The following ME3 variants were observed in gnomAD, a reference collection of about 807,000 sequenced individuals.
ME3 encodes the protein NADP-dependent malic enzyme, mitochondrial.
A neutral mutation model predicts 68.9 loss-of-function variants in ME3; 48 were observed. That is an observed-to-expected ratio of 0.70 (90% CI 0.55 to 0.89). ME3 has a LOEUF of 0.89. Ranked by LOEUF, ME3 falls within the 40% of genes least tolerant of loss-of-function variation. ME3 has a pLI of 0.00. For missense variants in ME3, 675 were observed against 797.4 expected (o/e 0.85, Z 1.85); for synonymous variants, 320 against 318.8 (o/e 1.00, Z -0.04).
At chr11:86,599,001 A>G (rs936477549) in intron 2 of ME3, among the ~76,000 whole-genome samples, 3 of 152,224 alleles carry the variant, frequency 2.0e-5, no homozygotes, top group Non-Finnish European at 4.4e-5. Flanking sequence ...AAGATGGGGA[A>G]AAAACAGAGC....
intron 7 of ME3, among the ~76,000 whole-genome samples, chr11:86,475,181 T>C (rs1275243764): frequency 6.6e-6 from 1 of 152,218 alleles, no homozygotes; most frequent in Admixed American, 6.5e-5. Flanking sequence ...GATTGGATCA[T>C]GGGGGAGGAG....
chr11:86,569,931 CTGAGT>C (rs758054427), intron 2 of ME3, among the ~76,000 whole-genome samples: 4 of 152,178 alleles, frequency 2.6e-5, no homozygotes, highest in African/African-American at 7.2e-5. Context: ...AAGTTGTTGA[CTGAGT>C]TGAGTTTTTT....
At chr11:86,666,130 T>C (rs1302008334) in intron 2 of ME3, among the ~76,000 whole-genome samples, 1 of 152,206 alleles carries the variant, frequency 6.6e-6, no homozygotes, top group Non-Finnish European at 1.5e-5. Context: ...TTTAGCTGAA[T>C]ACATGGGTGC....
chr11:86,492,953 C>T (rs1220196073), intron 6 of ME3, among the ~76,000 whole-genome samples: 1 of 152,168 alleles, frequency 6.6e-6, no homozygotes, highest in African/African-American at 2.4e-5. Flanking sequence ...ACGCTGTGGG[C>T]ACAGCACGCT....
intron 13 of ME3, among the ~76,000 whole-genome samples, chr11:86,445,522 G>T (rs1044420424): frequency 6.6e-6 from 1 of 152,190 alleles, no homozygotes; most frequent in African/African-American, 2.4e-5. Flanking sequence ...AGCTTGTTAC[G>T]TGTAAATATG....
chr11:86,565,609 TA>T (rs1292944051), intron 2 of ME3, among the ~76,000 whole-genome samples: 1 of 152,214 alleles, frequency 6.6e-6, no homozygotes, highest in Non-Finnish European at 1.5e-5. Flanking sequence ...CTATGCTAAG[TA>T]AAATAAGCCA....
At chr11:86,654,705 C>T (rs571592420) in intron 2 of ME3, among the ~76,000 whole-genome samples, 1 of 152,318 alleles carries the variant, frequency 6.6e-6, no homozygotes, top group Non-Finnish European at 1.5e-5. Flanking sequence ...GATGCCCTCT[C>T]TCACCACTCC....
At chr11:86,448,247 G>T (rs754400696) in exon 11 of ME3, 3 of 1,613,522 alleles carry the variant, frequency 1.9e-6, no homozygotes, top group Admixed American at 3.3e-5. Context: ...GGTTCAGGTG[G>T]CTCCTCCCCT....
intron 7 of ME3, among the ~76,000 whole-genome samples, chr11:86,470,243 T>C (rs1365461895): frequency 6.6e-6 from 1 of 152,140 alleles, no homozygotes; most frequent in Non-Finnish European, 1.5e-5. Flanking sequence ...TGCCTCTAAA[T>C]AGAATGACTA....
intron 2 of ME3, among the ~76,000 whole-genome samples, chr11:86,627,866 C>T (rs113601900): frequency 1.0e-3 from 155 of 152,300 alleles, no homozygotes; most frequent in African/African-American, 3.4e-3. Context: ...TCAGTTAACA[C>T]CACGCATAAG....
chr11:86,475,069 G>T (rs1950981936), intron 7 of ME3, among the ~76,000 whole-genome samples: 1 of 152,190 alleles, frequency 6.6e-6, no homozygotes, highest in Non-Finnish European at 1.5e-5. Flanking sequence ...AATTCTTCAG[G>T]ACAAGTCTTT....
At chr11:86,526,651 T>C (rs1954773779) in intron 4 of ME3, among the ~76,000 whole-genome samples, 1 of 152,146 alleles carries the variant, frequency 6.6e-6, no homozygotes, top group Non-Finnish European at 1.5e-5. Flanking sequence ...CATGGCTGGG[T>C]ACCCCTGTGA....
At position 86,550,966 on chromosome 11, in the gene ME3, G is replaced by C. The variant is rs555481201; in HGVS notation, c.467+5587C>G. Among the ~76,000 whole-genome samples the C allele has an allele frequency of 4.6e-5, 7 of 151,912 alleles. No individual in the cohort carries two copies. The South Asian group carries it at 1.5e-3, about 32-fold the overall frequency. The stretch of plus-strand genomic sequence containing the variant: ...ATTCATGTCCCAGGGGTCCCTCTGG[G>C]TGTGTGTGCACATGCATGTGCATGT... On this transcript the variant is annotated intron_variant, in intron 4 of 14. Transcript: ENST00000543262.
At chr11:86,541,409 G>A (rs968638343) in intron 4 of ME3, among the ~76,000 whole-genome samples, 1 of 152,152 alleles carries the variant, frequency 6.6e-6, no homozygotes, top group African/African-American at 2.4e-5. Flanking sequence ...TGAAATTCTC[G>A]CTGCCAGCAC....
chr11:86,481,580 T>C (rs552173681), intron 7 of ME3, among the ~76,000 whole-genome samples: 8 of 151,982 alleles, frequency 5.3e-5, no homozygotes, highest in African/African-American at 1.9e-4. Flanking sequence ...GTATTGGGAG[T>C]GGGTGTGGGG....
In ME3 at chr11:86,671,990, TC is replaced by T. The variant is rs1261028376; in HGVS notation, c.-14-33del. 26 of 1,357,070 alleles carry T rather than the reference TC, an allele frequency of 1.9e-5. No individual in the cohort carries two copies. The African/African-American group carries it at 3.9e-4, about 20-fold the overall frequency. 84.1% of individuals were successfully genotyped at this position (1,357,070 alleles called of 1,614,324 possible). On this transcript the variant is annotated intron_variant, in intron 1 of 14. Coordinates refer to ENST00000543262, the Ensembl canonical transcript of ME3. ...CGGGAGAGAAAGCAAGGTCAGGGCC[TC>T]CTTCCAGCCAGCCAGGACCCACGCG...
intron 2 of ME3, among the ~76,000 whole-genome samples, chr11:86,639,122 C>G (rs148780940): frequency 6.6e-6 from 1 of 152,358 alleles, no homozygotes; most frequent in East Asian, 1.9e-4. Flanking sequence ...CTACATCTGT[C>G]TGAGATCTCC....
Position 86,639,883 on chromosome 11 carries a change from G to A in ME3, c.183+31879C>T, listed in dbSNP as rs535646859. Among the ~76,000 whole-genome samples, 8 of 152,310 alleles carry A rather than the reference G, an allele frequency of 5.3e-5. 1 individual carries two copies. The South Asian group carries it at 1.5e-3, about 28-fold the overall frequency. ...GGACACAGTCTTCCAACTACGTTTC[G>A]CATGAGTGGGTGATTGGGGGCAGGA... On this transcript the variant is annotated intron_variant, in intron 2 of 14. Coordinates refer to ENST00000543262, the Ensembl canonical transcript of ME3.
intron 4 of ME3, among the ~76,000 whole-genome samples, chr11:86,521,312 G>T (rs1297134086): frequency 6.6e-6 from 1 of 151,794 alleles, no homozygotes; most frequent in Non-Finnish European, 1.5e-5. Context: ...GGAGAATGGC[G>T]TGAACCCAGG....
Sources: allele counts gnomAD v4.1 joint callset (sites outside exome capture counted in the v4.1 genomes callset), GRCh38; gene constraint gnomAD v4.1.1; transcripts MANE v1.5; gene names NCBI Gene and HGNC (gene_info 2026-07-23, HGNC 2026-07-21).